EXOSC8: variants seen among roughly 807,000 people sequenced by gnomAD.
EXOSC8 encodes exosome complex component RRP43.
EXOSC8 carries 37 observed loss-of-function variants against 39.9 expected under a neutral mutation model. That is an observed-to-expected ratio of 0.93 (90% confidence interval 0.71 to 1.22). EXOSC8 has a LOEUF of 1.22. Among genes scored for constraint, EXOSC8 ranks in the 50% most tolerant of loss-of-function variants. EXOSC8 has a pLI of 0.00. For synonymous variants in EXOSC8, 93 were observed against 109.5 expected (o/e 0.85, Z 0.94); for missense variants, 313 against 326.6 (o/e 0.96, Z 0.32).
At chr13:37,003,217 A>G in intron 4 of EXOSC8, 1 of 472,000 alleles carries the variant, frequency 2.1e-6, no homozygotes, top group Non-Finnish European at 3.7e-6. Context: ...GCAAAATGAA[A>G]CAACTTTTAA....
At chr13:37,003,750 A>G (rs2059120918) in intron 4 of EXOSC8, 1 of 152,122 alleles carries the variant, frequency 6.6e-6, no homozygotes, top group African/African-American at 2.4e-5. Context: ...AGTAGACACT[A>G]TTTTCTTCCC....
chr13:37,007,895 A>C (rs2059157535), intron 8 of EXOSC8, among the ~76,000 whole-genome samples, 162 bp from the exon 9 acceptor site: 1 of 152,106 alleles, frequency 6.6e-6, no homozygotes, highest in African/African-American at 2.4e-5. Context: ...TGTGAAAAGC[A>C]ATGTATATCC....
In EXOSC8 at chr13:37,009,337, G is replaced by T. The variant is rs966678435; in HGVS notation, c.*38G>T. On this transcript the variant is annotated 3_prime_UTR_variant, in exon 11 of 11. Coordinates refer to ENST00000389704, the MANE Select transcript of EXOSC8 (RefSeq NM_181503.3). ...TTTTCAAAACAGATTTGTAAAAATT[G>T]TATTTGTTAACACTGTGCACAAACG... 1 of 1,225,514 alleles carries T rather than the reference G, an allele frequency of 8.2e-7. No individual in the cohort carries two copies. Among genetic ancestry groups the T allele is most frequent in the African/African-American group, 1.5e-5 (1 of 67,068 alleles). 75.9% of individuals were successfully genotyped at this position (1,225,514 alleles called of 1,614,324 possible). A position where few individuals can be genotyped will look rare whatever the true frequency, so the allele number is the denominator to read the frequency against.
In EXOSC8 at chr13:37,006,102, T is replaced by C; in HGVS notation, c.345-13T>C. On this transcript the variant is annotated splice_polypyrimidine_tract_variant and intron_variant, in intron 6 of 10. Transcript: ENST00000389704. ...GGCTTTTCATTTACTTTGCTCTTTG[T>C]CATTAAATCAAGTTCACAGATAATT... The C allele has an allele frequency of 6.2e-7, 1 of 1,608,466 alleles. No individual in the cohort carries two copies. Among genetic ancestry groups the C allele is most frequent in the Non-Finnish European group, 8.5e-7 (1 of 1,175,248 alleles).
chr13:37,006,882 A>T, intron 7 of EXOSC8, 93 bp from the exon 8 acceptor site: 1 of 730,688 alleles, frequency 1.4e-6, no homozygotes, highest in South Asian at 1.7e-5. Context: ...TTGCTTGTTT[A>T]ACCAAGGGTT....
chr13:37,007,114 T>C (rs1202153431), intron 8 of EXOSC8, 43 bp downstream of exon 8: 2 of 1,213,492 alleles, frequency 1.6e-6, no homozygotes, highest in Non-Finnish European at 2.5e-6. Context: ...ACTCATGGGT[T>C]AGAATGTTGT....
intron 7 of EXOSC8, 79 bp downstream of exon 7, chr13:37,006,239 A>C: frequency 1.1e-6 from 1 of 921,766 alleles, no homozygotes; most frequent in Admixed American, 2.3e-5. Flanking sequence ...GAACAAGGAA[A>C]TTAAAACCAC....
chr13:37,002,860 A>T, intron 3 of EXOSC8, 74 bp from the exon 4 acceptor site: 2 of 1,009,068 alleles, frequency 2.0e-6, no homozygotes, highest in Non-Finnish European at 3.1e-6. Flanking sequence ...TAAAACACTT[A>T]ATTTTAATTA....
At chr13:37,000,885 CTT>C (rs1212820538) in intron 1 of EXOSC8, 63 bp downstream of exon 1, 1 of 1,435,574 alleles carries the variant, frequency 7.0e-7, no homozygotes, top group African/African-American at 1.5e-5. Context: ...TCCTTTAACT[CTT>C]AGCTGGGATT....
chr13:37,003,280 A>G lies in EXOSC8; in HGVS notation c.192+273A>G, dbSNP rs556804998. The G allele has an allele frequency of 1.3e-4, 47 of 367,286 alleles. No homozygotes were observed. The Middle Eastern group carries it at 2.3e-3, about 18-fold the overall frequency. The allele number at this position is 367,286 out of a possible 1,614,324, so 22.8% of individuals were successfully genotyped here. ...GTTATATCATTTGAGACATTAACAG[A>G]TTTTTGGTGACATCCTTTTAGCCAG... On this transcript the variant is annotated intron_variant, in intron 4 of 10. Coordinates refer to ENST00000389704, the MANE Select transcript of EXOSC8 (RefSeq NM_181503.3).
chr13:37,002,075 C>G (rs140192725), intron 1 of EXOSC8, among the ~76,000 whole-genome samples, 198 bp from the exon 2 acceptor site: 3 of 152,144 alleles, frequency 2.0e-5, no homozygotes, highest in Non-Finnish European at 4.4e-5. Flanking sequence ...CGCCAATCTT[C>G]TAATCGTTTA....
At position 37,006,143 on chromosome 13, in the gene EXOSC8, T is replaced by A; in HGVS notation, c.373T>A (p.Cys125Ser). 6.2e-7 allele frequency: 1 copy of A among 1,610,264 alleles called. No individual in the cohort carries two copies. Among genetic ancestry groups the A allele is most frequent in the Non-Finnish European group, 8.5e-7 (1 of 1,176,792 alleles). Residue 125 changes from cysteine (C) to serine (S), a missense_variant, in exon 7 of 11, where the codon TGC becomes AGC. Cys to Ser is a moderately radical substitution (Grantham distance 112). Coordinates refer to ENST00000389704, the MANE Select transcript of EXOSC8 (RefSeq NM_181503.3). ...ACAGATAATTCAGAAAGAGGACTTA[T>A]GCATTTCTCCAGGAAAGGTAAGAGG... Reference protein sequence around the residue: ...NSQIIQKEDLCISPGKLVWVL... With the variant: ...NSQIIQKEDLSISPGKLVWVL...
chr13:37,007,284 TC>T (rs370464457), intron 8 of EXOSC8, among the ~76,000 whole-genome samples: 22 of 152,326 alleles, frequency 1.4e-4, no homozygotes, highest in Non-Finnish European at 2.5e-4. Flanking sequence ...AGTTAGGACT[TC>T]AGTCCTTTCC....
chr13:37,006,473 T>A (rs1351145589), intron 7 of EXOSC8, among the ~76,000 whole-genome samples: 3 of 151,992 alleles, frequency 2.0e-5, no homozygotes, highest in African/African-American at 7.2e-5. Flanking sequence ...ACATTAATCA[T>A]GTTAACATAT....
chr13:37,008,053 T>C lies in EXOSC8; in HGVS notation c.488-4T>C. The C allele has an allele frequency of 6.3e-7, 1 of 1,585,082 alleles. No individual in the cohort carries two copies. The highest frequency in any genetic ancestry group is 8.6e-7 in the Non-Finnish European group (1 of 1,163,680). The stretch of plus-strand genomic sequence containing the variant: ...ACTTACTTTACAAATTTGCCTTTTC[T>C]TAGTACAGTTGCCTGAAGTTACTAT... On this transcript the variant is annotated splice_polypyrimidine_tract_variant and splice_region_variant and intron_variant, in intron 8 of 10. Transcript: ENST00000389704.
At position 37,000,816 on chromosome 13, in the gene EXOSC8, G is replaced by T; in HGVS notation, c.11G>T (p.Gly4Val). The T allele has an allele frequency of 6.3e-7, 1 of 1,580,906 alleles. No individual in the cohort carries two copies. Among genetic ancestry groups the T allele is most frequent in the Admixed American group, 1.8e-5 (1 of 55,532 alleles). Reference protein sequence around the residue: MAAGFKTVEPLEYY... With the variant: MAAVFKTVEPLEYY... The stretch of plus-strand genomic sequence containing the variant: ...CGCGCGGGCGGGAAGATGGCGGCTG[G>T]GTTCAAGTGAGTGTTGGCGGGTGGC... The change falls in exon 1 of 11, where the codon GGG becomes GTG. Residue 4 changes from glycine (G) to valine (V), a missense_variant. Gly to Val is a moderately radical substitution (Grantham distance 109). Transcript: ENST00000389704.
chr13:37,007,113 T>A (rs987777362), intron 8 of EXOSC8, 42 bp downstream of exon 8: 1 of 1,225,076 alleles, frequency 8.2e-7, no homozygotes, highest in South Asian at 1.2e-5. Flanking sequence ...CACTCATGGG[T>A]TAGAATGTTG....
chr13:37,002,813 A>C, intron 3 of EXOSC8, 121 bp from the exon 4 acceptor site: 1 of 719,652 alleles, frequency 1.4e-6, no homozygotes, highest in Non-Finnish European at 2.5e-6. Flanking sequence ...TTCATAAGCA[A>C]CTGAGAGGGG....
chr13:37,007,355 TTGG>T (rs1240356597), intron 8 of EXOSC8, among the ~76,000 whole-genome samples: 1 of 152,202 alleles, frequency 6.6e-6, no homozygotes, highest in African/African-American at 2.4e-5. Context: ...GGCTAGGTGA[TTGG>T]TGAAGATCTG....
Sources: gnomAD v4.1 joint callset for allele counts (sites outside exome capture counted in the v4.1 genomes callset) on GRCh38, gnomAD v4.1.1 for gene constraint, MANE v1.5 for transcripts, NCBI Gene and HGNC (gene_info 2026-07-23, HGNC 2026-07-21) for gene names.